The following AGBL5 variants were observed in gnomAD, a reference collection of about 807,000 sequenced individuals.
AGBL5 encodes the protein AGBL carboxypeptidase 5, also known as cytosolic carboxypeptidase-like protein 5.
In AGBL5, 51 loss-of-function variants were observed where a neutral mutation model predicts 88.0. The ratio of observed to expected loss-of-function variants is 0.58; its 90% CI spans 0.46 to 0.73. The LOEUF is 0.73. Ranked by LOEUF, AGBL5 falls within the 30% of genes least tolerant of loss-of-function variation. The probability of loss-of-function intolerance (pLI) is 0.00; values close to 1 mark genes in which losing one functional copy is unlikely to be tolerated. For synonymous variants in AGBL5, 446 were observed against 438.8 expected (o/e 1.02, Z -0.21); for missense variants, 1,031 against 1,162.2 (o/e 0.89, Z 1.64).
intron 12 of AGBL5, 173 bp downstream of exon 12, chr2:27,067,819 T>C (rs1050828962): frequency 1.3e-6 from 1 of 752,766 alleles, no homozygotes; most frequent in African/African-American, 1.7e-5. Flanking sequence ...GTCTGTGTAA[T>C]AAAACAATAG....
chr2:27,065,088 CCTG>C (rs763973765), intron 11 of AGBL5, among the ~76,000 whole-genome samples: 31 of 152,084 alleles, frequency 2.0e-4, no homozygotes, highest in Admixed American at 2.0e-3. Flanking sequence ...CTTGTCACTG[CCTG>C]CTAATTCCCA....
chr2:27,058,721 C>T (rs943330815), intron 10 of AGBL5, 119 bp downstream of exon 10: 7 of 1,087,186 alleles, frequency 6.4e-6, no homozygotes, highest in African/African-American at 3.2e-5. Flanking sequence ...TGGCAAATAT[C>T]TTCAGGGTAA....
intron 10 of AGBL5, 75 bp downstream of exon 10, chr2:27,058,677 T>C: frequency 6.7e-7 from 1 of 1,487,626 alleles, no homozygotes; most frequent in Non-Finnish European, 9.2e-7. Flanking sequence ...TTCCAAGGGA[T>C]TTATATTCCT....
intron 8 of AGBL5, 62 bp from the exon 9 acceptor site, chr2:27,057,241 C>T: frequency 1.3e-6 from 2 of 1,527,432 alleles, no homozygotes; most frequent in South Asian, 1.3e-5. Context: ...CTAAGTTGTC[C>T]TCTATGGTTC....
intron 13 of AGBL5, 96 bp from the exon 14 acceptor site, chr2:27,069,477 C>G (rs1669167084): frequency 2.6e-6 from 4 of 1,552,140 alleles, no homozygotes; most frequent in Non-Finnish European, 3.5e-6. Flanking sequence ...GATCCCTATA[C>G]TACAACACTC....
intron 6 of AGBL5, 187 bp downstream of exon 6, chr2:27,055,440 A>G: frequency 1.1e-6 from 1 of 922,412 alleles, no homozygotes; most frequent in South Asian, 1.8e-5. Context: ...AAAGGAACCA[A>G]ACTAGGATGA....
rs369736692 is a variant in AGBL5, at chr2:27,063,956, GTTCT to G, written c.2090-3533_2090-3530del. Among the ~76,000 whole-genome samples the G allele has an allele frequency of 3.9e-3, 599 of 152,326 alleles. 2 individuals carry two copies. Among genetic ancestry groups the G allele is most frequent in the African/African-American group, 0.014 (565 of 41,564 alleles). ...TCACATCACTCTTGCACTCTTGCTT[GTTCT>G]TTCTCACTTGCTTTTACCCTTTCCT... On this transcript the variant is annotated intron_variant, in intron 11 of 14. Coordinates refer to ENST00000360131, the MANE Select transcript of AGBL5 (RefSeq NM_021831.6).
chr2:27,055,507 G>T, intron 6 of AGBL5, 175 bp from the exon 7 acceptor site: 1 of 799,636 alleles, frequency 1.3e-6, no homozygotes, highest in Non-Finnish European at 1.9e-6. Flanking sequence ...AGGGTTCTAT[G>T]GTAAGGGTGA....
chr2:27,053,447 C>T lies in AGBL5; in HGVS notation c.261C>T (p.Leu87=). The change falls in exon 3 of 15, where the codon CTC becomes CTT. Residue 87 remains leucine (L), a synonymous_variant. Transcript: ENST00000360131. The surrounding 1 kb of genome is among the most constrained non-coding windows in gnomAD (Gnocchi z 4.9). The stretch of plus-strand genomic sequence containing the variant: ...TCCGGGGAGGAATGCCAGGAAAACT[C>T]ATCAAGATCAACATTATGAACATGA... ...FSVRGGMPGK[L]IKINIMNMNK... is the part of the protein sequence containing the mutation. The T allele has an allele frequency of 6.2e-7, 1 of 1,614,106 alleles. No individual in the cohort carries two copies. The highest frequency in any genetic ancestry group is 8.5e-7 in the Non-Finnish European group (1 of 1,180,024).
At chr2:27,050,877 C>G (rs532988164), upstream of AGBL5, 4 of 152,218 alleles carry the variant, frequency 2.6e-5, no homozygotes, top group African/African-American at 9.7e-5. Flanking sequence ...AGGACTTCGT[C>G]TGTAATTTTT....
Position 27,053,428 on chromosome 2 carries a change from G to A in AGBL5, c.242G>A (p.Gly81Glu), listed in dbSNP as rs1480253234. Reference sequence around the variant, plus strand: ...TCATGGTTCTACTTCAGCGTCCGGGGAGGAATGCCAGGAAAACTCATCAAG... The same window carrying A: ...TCATGGTTCTACTTCAGCGTCCGGGAAGGAATGCCAGGAAAACTCATCAAG... ...NRSWFYFSVR[G>E]GMPGKLIKIN... Residue 81 changes from glycine (G) to glutamate (E), a missense_variant, in exon 3 of 15, where the codon GGA becomes GAA. This residue lies in a region of AGBL5 where 540 missense variants were observed against 678.2 expected (regional missense o/e 0.80). Coordinates refer to ENST00000360131, the MANE Select transcript of AGBL5 (RefSeq NM_021831.6). This position sits in a 1 kb window ranked among gnomAD's most constrained non-coding sequence, Gnocchi z 4.9. 1 of 1,614,134 alleles carries A rather than the reference G, an allele frequency of 6.2e-7. No individual in the cohort carries two copies. The highest frequency in any genetic ancestry group is 8.5e-7 in the Non-Finnish European group (1 of 1,180,044).
rs909091502 is a variant in AGBL5 at position 27,059,422 on chromosome 2, C to G, written c.2089+18C>G. The G allele has an allele frequency of 6.2e-7, 1 of 1,613,778 alleles. No homozygotes were observed. Among genetic ancestry groups the G allele is most frequent in the Admixed American group, 1.7e-5 (1 of 60,000 alleles). Reference sequence around the variant, plus strand: ...CGTCAGAGGTAAGCCAGTCTGGGAGCCCCTGCAACATGTGTTCGGTTGTCT... The same window carrying G: ...CGTCAGAGGTAAGCCAGTCTGGGAGGCCCTGCAACATGTGTTCGGTTGTCT... On this transcript the variant is annotated intron_variant, in intron 11 of 14. Coordinates refer to ENST00000360131, the MANE Select transcript of AGBL5 (RefSeq NM_021831.6).
chr2:27,067,531 C>T lies in AGBL5; in HGVS notation c.2127C>T (p.Pro709=). The T allele has an allele frequency of 6.2e-7, 1 of 1,614,122 alleles. No homozygotes were observed. ...AGGACAGGAGACGGCAGCAGCAGCCCCTGAACCATCGTCCTGCAGGCAGCC... is the reference window on the plus strand; with the variant it reads ...AGGACAGGAGACGGCAGCAGCAGCCTCTGAACCATCGTCCTGCAGGCAGCC... The part of the protein sequence containing the change: ...RSQDRRRQQQ[P]LNHRPAGSLA... Residue 709 remains proline (P), a synonymous_variant, in exon 12 of 15, where the codon CCC becomes CCT. Coordinates refer to ENST00000360131, the MANE Select transcript of AGBL5 (RefSeq NM_021831.6).
intron 10 of AGBL5, 35 bp downstream of exon 10, chr2:27,058,637 G>A (rs1668563149): frequency 1.9e-6 from 3 of 1,604,946 alleles, no homozygotes; most frequent in South Asian, 2.2e-5. Flanking sequence ...GAAAGGGTAG[G>A]ACAGTGGGAC....
Position 27,070,116 on chromosome 2 carries a change from G to GC in AGBL5, c.2518dup (p.Arg840ProfsTer12). The stretch of plus-strand genomic sequence containing the variant: ...GGCTGCCTCAGGCCAGGCCCCCACG[G>GC]CCCCGCTCTGCCCCTGCCTTTTCTC... On this transcript the variant is annotated frameshift_variant, in exon 15 of 15. Coordinates refer to ENST00000360131, the MANE Select transcript of AGBL5 (RefSeq NM_021831.6). LOFTEE classifies it high-confidence loss of function. 6.2e-7 allele frequency: 1 copy of GC among 1,613,906 alleles called. No homozygotes were observed. The highest frequency in any genetic ancestry group is 8.5e-7 in the Non-Finnish European group (1 of 1,179,850).
At chr2:27,056,534 TA>T (rs1668439651) in intron 7 of AGBL5, 88 bp from the exon 8 acceptor site, 8 of 1,202,292 alleles carry the variant, frequency 6.7e-6, no homozygotes, top group Non-Finnish European at 9.4e-6. Flanking sequence ...TGCTGTGTAT[TA>T]AGTCACATGG....
At chr2:27,065,495 CTG>C (rs1477224765) in intron 11 of AGBL5, among the ~76,000 whole-genome samples, 2 of 152,262 alleles carry the variant, frequency 1.3e-5, no homozygotes, top group African/African-American at 4.8e-5. Context: ...ATTAAGGTCT[CTG>C]GTTTTTCAGG....
chr2:27,056,571 C>T (rs1052944042), intron 7 of AGBL5, 52 bp from the exon 8 acceptor site: 4 of 1,504,978 alleles, frequency 2.7e-6, no homozygotes, highest in South Asian at 2.5e-5. Context: ...CTCTTCCTTG[C>T]ACCTTGTCCC....
At chr2:27,065,122 T>C (rs1421509246) in intron 11 of AGBL5, among the ~76,000 whole-genome samples, 1 of 152,148 alleles carries the variant, frequency 6.6e-6, no homozygotes, top group East Asian at 1.9e-4. Flanking sequence ...GAAGATGAAG[T>C]TACTGTCACT....
Sources: gnomAD v4.1 joint callset for allele counts (sites outside exome capture counted in the v4.1 genomes callset) on GRCh38, gnomAD v4.1.1 for gene constraint, gnomAD v4.1.1 regional missense constraint, Gnocchi (gnomAD v3.1) non-coding constraint, MANE v1.5 for transcripts, NCBI Gene and HGNC (gene_info 2026-07-23, HGNC 2026-07-21) for gene names.